NUP98: variants seen among roughly 807,000 people sequenced by gnomAD.
NUP98 encodes nucleoporin 98 and 96 precursor.
A neutral mutation model predicts 191.9 loss-of-function variants in NUP98; 26 were observed. The observed-to-expected ratio is 0.14, with a 90% CI of 0.10 to 0.19. The LOEUF (loss-of-function observed/expected upper bound fraction) is 0.19. NUP98 is among the 10% of genes least tolerant of loss of function. The pLI is 1.00. For synonymous variants in NUP98, 808 were observed against 778.4 expected, an observed-to-expected ratio of 1.04 and a Z score of -0.63; for missense variants, 1,941 against 2,178.8, an observed-to-expected ratio of 0.89 and a Z score of 2.17.
At chr11:3,732,790 T>C (rs1488230018) in intron 13 of NUP98, among the ~76,000 whole-genome samples, 2 of 152,198 alleles carry the variant, frequency 1.3e-5, no homozygotes, top group East Asian at 3.8e-4. Flanking sequence ...AATAACAATG[T>C]CTAGCATATC....
At position 3,679,614 on chromosome 11, in the gene NUP98, T is replaced by C. The variant is rs1319903991; in HGVS notation, c.5013A>G (p.Thr1671=). 6.2e-7 allele frequency: 1 copy of C among 1,614,216 alleles called. No homozygotes were observed. The highest frequency in any genetic ancestry group is 2.2e-5 in the East Asian group (1 of 44,886). ...ERSSLIQDWE[T]SGLVYLDYIR... ...TATAGTCCAGGTAAACAAGCCCAGA[T>C]GTTTCCCAATCCTGAATTAGGCTGC... Residue 1671 remains threonine, a synonymous_variant, in exon 31 of 33, where the codon ACA becomes ACG. Transcript: ENST00000324932.
At chr11:3,751,080 C>CG (rs1195725181) in intron 11 of NUP98, among the ~76,000 whole-genome samples, 4 of 151,950 alleles carry the variant, frequency 2.6e-5, no homozygotes, top group African/African-American at 7.2e-5. Flanking sequence ...AATCCCAGGC[C>CG]GGGCACGATG....
chr11:3,765,446 T>C (rs1408654226), intron 8 of NUP98, among the ~76,000 whole-genome samples: 3 of 152,240 alleles, frequency 2.0e-5, no homozygotes, highest in South Asian at 2.1e-4. Flanking sequence ...TCTAAGATAT[T>C]ACTGTCTAAC....
At position 3,772,268 on chromosome 11, in the gene NUP98, G is replaced by C. The variant is rs1179381026; in HGVS notation, c.604-340C>G. On this transcript the variant is annotated intron_variant, in intron 6 of 32. Transcript: ENST00000324932. ...AAATAAAATAAAAATAAAAATTATA[G>C]TGAATTAACATATGTAGATTCTGTG... Among the ~76,000 whole-genome samples, 9 of 152,188 alleles carry C rather than the reference G, an allele frequency of 5.9e-5. No homozygotes were observed. The South Asian group carries it at 1.9e-3, about 32-fold the overall frequency.
chr11:3,765,739 T>C (rs2081316145), intron 8 of NUP98, among the ~76,000 whole-genome samples: 1 of 149,530 alleles, frequency 6.7e-6, no homozygotes, highest in African/African-American at 2.5e-5. Context: ...AGGCAGAGGT[T>C]GCAGTGAGCC....
At chr11:3,725,259 C>T in intron 14 of NUP98, 40 bp from the exon 15 acceptor site, 1 of 932,958 alleles carries the variant, frequency 1.1e-6, no homozygotes, top group Admixed American at 1.9e-5. Context: ...AAAAATTACT[C>T]AGGCATACAG....
In NUP98 at chr11:3,770,727, T is replaced by C. The variant is rs537754147; in HGVS notation, c.784+1021A>G. 2.0e-5 allele frequency among the ~76,000 whole-genome samples: 3 copies of C among 152,310 alleles called. No individual in the cohort carries two copies. The South Asian group carries it at 6.2e-4, about 32-fold the overall frequency. ...GTGAACTTTGTATCACATATGTGCA[T>C]TACTTTTGCAAAAGTAGTATTTTTG... On this transcript the variant is annotated intron_variant, in intron 7 of 32. Transcript: ENST00000324932.
At chr11:3,768,068 T>A (rs191382656) in intron 8 of NUP98, among the ~76,000 whole-genome samples, 17 of 152,124 alleles carry the variant, frequency 1.1e-4, no homozygotes, top group African/African-American at 1.7e-4. Flanking sequence ...ATCGCCTCAA[T>A]AGCATCTCAA....
At chr11:3,774,650 G>A (rs1281731866) in intron 5 of NUP98, among the ~76,000 whole-genome samples, 1 of 152,034 alleles carries the variant, frequency 6.6e-6, no homozygotes, top group Non-Finnish European at 1.5e-5. Context: ...CCAGGAGGCA[G>A]AGGTTGCAGT....
chr11:3,705,918 C>T (rs951312837), intron 21 of NUP98, among the ~76,000 whole-genome samples: 32 of 149,580 alleles, frequency 2.1e-4, no homozygotes, highest in Admixed American at 1.8e-3. Flanking sequence ...GGAAGGCCAA[C>T]GCGGGCAGAT....
At position 3,675,304 on chromosome 11, in the gene NUP98, G is replaced by C. The variant is rs2077772720; in HGVS notation, c.*855C>G. 1 of 217,762 alleles carries C rather than the reference G, an allele frequency of 4.6e-6. No individual in the cohort carries two copies. Among genetic ancestry groups the C allele is most frequent in the Non-Finnish European group, 9.3e-6 (1 of 108,100 alleles). The allele number at this position is 217,762 out of a possible 1,614,324, so 13.5% of individuals were successfully genotyped here. A position where few individuals can be genotyped will look rare whatever the true frequency, so the allele number is the denominator to read the frequency against. ...TCAGTCATGGTTTGTTTTTGCTTCT[G>C]GAAGGGGTAGATGGAGGGTGGGAAA... is the stretch of plus-strand genomic sequence containing the variant. On this transcript the variant is annotated 3_prime_UTR_variant, in exon 33 of 33. Coordinates refer to ENST00000324932, the MANE Select transcript of NUP98 (RefSeq NM_016320.5).
intron 9 of NUP98, among the ~76,000 whole-genome samples, chr11:3,761,226 T>C (rs893137307): frequency 2.6e-5 from 4 of 152,216 alleles, no homozygotes; most frequent in Non-Finnish European, 4.4e-5. Flanking sequence ...AAATTAAATA[T>C]GGTGATAGTT....
intron 30 of NUP98, 122 bp downstream of exon 30, chr11:3,683,078 T>C: frequency 7.0e-7 from 1 of 1,424,712 alleles, no homozygotes; most frequent in Non-Finnish European, 9.5e-7. Flanking sequence ...TTGCAAAGTA[T>C]GATTTGATTC....
intron 22 of NUP98, among the ~76,000 whole-genome samples, chr11:3,704,058 A>G (rs2078788365): frequency 1.3e-5 from 2 of 152,184 alleles, no homozygotes; most frequent in African/African-American, 4.8e-5. Context: ...ATGGAGTTAA[A>G]TATTATTGAA....
intron 13 of NUP98, among the ~76,000 whole-genome samples, chr11:3,733,419 C>T (rs1199822902): frequency 1.3e-5 from 2 of 152,174 alleles, no homozygotes; most frequent in East Asian, 1.9e-4. Context: ...TCAAGTGATT[C>T]GCCTGCCTCA....
At chr11:3,724,793 G>A (rs796102125) in intron 15 of NUP98, among the ~76,000 whole-genome samples, 7,731 of 86,194 alleles carry the variant, frequency 0.09, 402 homozygotes, top group Middle Eastern at 0.13. Flanking sequence ...AAAAAAAAAA[G>A]AAAGAAAATC....
rs1328553173 is a variant in NUP98 at position 3,797,518 on chromosome 11, C to A, written c.-147G>T. ...CGCCGCTACCACCCCTGCCACCGAC[C>A]GCCGCTTCGGGCGCAGCGCGCAGAG... On this transcript the variant is annotated 5_prime_UTR_variant, in exon 1 of 33. Transcript: ENST00000324932. 9.0e-6 allele frequency: 4 copies of A among 443,898 alleles called. No homozygotes were observed. In the Middle Eastern group the frequency reaches 1.7e-3, roughly 193 times the overall value. The allele number at this position is 443,898 out of a possible 1,614,324, so 27.5% of individuals were successfully genotyped here. A position where few individuals can be genotyped will look rare whatever the true frequency, so the allele number is the denominator to read the frequency against.
At chr11:3,724,759 C>T (rs1324890183) in intron 15 of NUP98, among the ~76,000 whole-genome samples, 21 of 93,368 alleles carry the variant, frequency 2.2e-4, no homozygotes, top group African/African-American at 7.3e-4. Flanking sequence ...CCAGCCTGGG[C>T]GACAGAGTGA....
At chr11:3,712,221 A>G (rs544362142) in intron 20 of NUP98, 17 of 1,093,480 alleles carry the variant, frequency 1.6e-5, no homozygotes, top group Non-Finnish European at 1.9e-5. Context: ...CAGGTAGTCA[A>G]TAAAGGCAGA....
Sources: allele counts gnomAD v4.1 joint callset (sites outside exome capture counted in the v4.1 genomes callset), GRCh38; gene constraint gnomAD v4.1.1; transcripts MANE v1.5; gene names NCBI Gene and HGNC (gene_info 2026-07-23, HGNC 2026-07-21).